Variants in MACROD2 observed in about 807,000 individuals in gnomAD.
MACROD2 encodes ADP-ribose glycohydrolase MACROD2.
A neutral mutation model predicts 70.4 loss-of-function variants in MACROD2; 36 were observed. The ratio of observed to expected loss-of-function variants is 0.51; its 90% CI spans 0.39 to 0.68. MACROD2 has a LOEUF of 0.68. Ranked by LOEUF, MACROD2 falls within the 30% of genes least tolerant of loss-of-function variation. MACROD2 has a pLI of 0.00. For missense variants in MACROD2, 496 were observed against 538.4 expected (o/e 0.92, Z 0.78); for synonymous variants, 172 against 178.8 (o/e 0.96, Z 0.30).
At chr20:14,936,361 TTGATTGTG>T (rs2074340448) in intron 5 of MACROD2, among the ~76,000 whole-genome samples, 1 of 152,190 alleles carries the variant, frequency 6.6e-6, no homozygotes, top group Admixed American at 6.5e-5. Flanking sequence ...CTTGTCCTTA[TTGATTGTG>T]TGCTGACCAG....
intron 7 of MACROD2, among the ~76,000 whole-genome samples, chr20:15,448,739 A>G (rs1405755335): frequency 3.9e-5 from 6 of 152,160 alleles, no homozygotes; most frequent in African/African-American, 1.4e-4. Flanking sequence ...AGTGGGAACA[A>G]ACAGTTTTGA....
At chr20:15,041,261 A>G (rs1053589470) in intron 5 of MACROD2, among the ~76,000 whole-genome samples, 2 of 152,180 alleles carry the variant, frequency 1.3e-5, no homozygotes, top group Admixed American at 6.5e-5. Context: ...GTTCCCAGTC[A>G]TTGGAAGGGG....
intron 5 of MACROD2, among the ~76,000 whole-genome samples, chr20:15,153,713 A>G (rs1227833859): frequency 6.6e-6 from 1 of 152,140 alleles, no homozygotes; most frequent in Non-Finnish European, 1.5e-5. Context: ...AAAATAATCT[A>G]TGTAGTCAGA....
intron 9 of MACROD2, among the ~76,000 whole-genome samples, chr20:15,863,058 G>A (rs889189975): frequency 4.6e-5 from 7 of 151,808 alleles, no homozygotes; most frequent in Admixed American, 2.6e-4. Context: ...TTGGTTCTCG[G>A]TGCCTCACAT....
At position 15,222,622 on chromosome 20, in the gene MACROD2, A is replaced by T. The variant is rs1186184413; in HGVS notation, c.419-7318A>T. 2.6e-5 allele frequency among the ~76,000 whole-genome samples: 4 copies of T among 152,346 alleles called. No homozygotes were observed. In the East Asian group the frequency reaches 5.8e-4, roughly 22 times the overall value. On this transcript the variant is annotated intron_variant, in intron 5 of 17. Coordinates refer to ENST00000684519, the MANE Select transcript of MACROD2 (RefSeq NM_001351661.2). Reference sequence around the variant, plus strand: ...ATGATTGACAAGGCACAGCATTATTATGCAGTCTGTTAGAAGGACCGATTA... The same window carrying T: ...ATGATTGACAAGGCACAGCATTATTTTGCAGTCTGTTAGAAGGACCGATTA...
chr20:14,140,127 G>A (rs2054850507), intron 3 of MACROD2, among the ~76,000 whole-genome samples: 1 of 152,266 alleles, frequency 6.6e-6, no homozygotes, highest in African/African-American at 2.4e-5. Context: ...GAAGATGCCT[G>A]TAGTTGATAA....
intron 5 of MACROD2, among the ~76,000 whole-genome samples, chr20:14,722,889 A>G (rs528014523): frequency 6.6e-5 from 10 of 152,332 alleles, no homozygotes; most frequent in Middle Eastern, 3.4e-3. Context: ...TTTATATCAG[A>G]CAAAAAAATA....
chr20:14,065,719 A>G (rs964818217), intron 2 of MACROD2, among the ~76,000 whole-genome samples: 1 of 152,234 alleles, frequency 6.6e-6, no homozygotes, highest in African/African-American at 2.4e-5. Context: ...ATATTTGACC[A>G]GTACCACAGA....
chr20:14,017,262 T>C lies in MACROD2; in HGVS notation c.163+14858T>C, dbSNP rs182537579. 4.6e-5 allele frequency among the ~76,000 whole-genome samples: 7 copies of C among 152,312 alleles called. No individual in the cohort carries two copies. In the East Asian group the frequency reaches 9.6e-4, roughly 21 times the overall value. The stretch of plus-strand genomic sequence containing the variant: ...TTTCTGCATTTACGATCATGTCATC[T>C]GTGAACAGAGATAGTTTTACATCTT... On this transcript the variant is annotated intron_variant, in intron 2 of 17. Coordinates refer to ENST00000684519, the MANE Select transcript of MACROD2 (RefSeq NM_001351661.2).
chr20:14,862,049 A>ATATT (rs2073331389), intron 5 of MACROD2, among the ~76,000 whole-genome samples: 1 of 10,980 alleles, frequency 9.1e-5, no homozygotes, highest in African/African-American at 2.6e-4. Flanking sequence ...TTATATATAT[A>ATATT]TTTATATATA....
chr20:15,997,233 T>A lies in MACROD2; in HGVS notation c.1153+10075T>A, dbSNP rs141515646. On this transcript the variant is annotated intron_variant, in intron 15 of 17. Coordinates refer to ENST00000684519, the MANE Select transcript of MACROD2 (RefSeq NM_001351661.2). ...GTGTTAGGATTGTTTTCTTTTTTTA[T>A]GTGAAAAATGCCCTTGAAATTGTGA... Among the ~76,000 whole-genome samples the A allele has an allele frequency of 3.9e-5, 6 of 152,324 alleles. No homozygotes were observed. In the East Asian group the frequency reaches 1.2e-3, roughly 29 times the overall value.
chr20:14,416,857 C>T lies in MACROD2; in HGVS notation c.272-76622C>T, dbSNP rs138401356. On this transcript the variant is annotated intron_variant, in intron 3 of 17. Transcript: ENST00000684519. Reference sequence around the variant, plus strand: ...CAGTTGGGCATGGGAAAGATGAGGCCCATTTCCCTGGATTTGGAATCTGGT... The same window carrying T: ...CAGTTGGGCATGGGAAAGATGAGGCTCATTTCCCTGGATTTGGAATCTGGT... Among the ~76,000 whole-genome samples, 345 of 152,236 alleles carry T rather than the reference C, an allele frequency of 2.3e-3. 3 individuals are homozygous for T. Among genetic ancestry groups the T allele is most frequent in the Non-Finnish European group, 4.0e-3 (272 of 68,018 alleles).
intron 15 of MACROD2, among the ~76,000 whole-genome samples, chr20:15,990,133 T>TA (rs2066538377): frequency 6.6e-6 from 1 of 152,158 alleles, no homozygotes; most frequent in Non-Finnish European, 1.5e-5. Flanking sequence ...AGGTTTCACA[T>TA]ATGGCAGCTT....
chr20:14,132,128 C>CT (rs1215275006), intron 3 of MACROD2, among the ~76,000 whole-genome samples: 1 of 70,412 alleles, frequency 1.4e-5, no homozygotes, highest in African/African-American at 4.0e-5. Context: ...GAGACTCTAT[C>CT]CAAAAAAAAA....
intron 8 of MACROD2, among the ~76,000 whole-genome samples, chr20:15,792,014 T>C (rs1315410950): frequency 2.6e-5 from 4 of 152,036 alleles, no homozygotes; most frequent in East Asian, 1.9e-4. Context: ...ATTATCTATA[T>C]AAAAATAGCC....
At chr20:14,143,143 T>C (rs1034958086) in intron 3 of MACROD2, among the ~76,000 whole-genome samples, 1 of 152,172 alleles carries the variant, frequency 6.6e-6, no homozygotes, top group Admixed American at 6.5e-5. Flanking sequence ...CCAAAATGAA[T>C]TTATTAGCAT....
intron 8 of MACROD2, among the ~76,000 whole-genome samples, chr20:15,545,419 A>G (rs1484776608): frequency 6.6e-6 from 1 of 152,176 alleles, no homozygotes; most frequent in African/African-American, 2.4e-5. Context: ...TTCCGTAATG[A>G]TATTTCTGTC....
At chr20:14,006,408 T>G (rs1223085356) in intron 2 of MACROD2, among the ~76,000 whole-genome samples, 1 of 152,212 alleles carries the variant, frequency 6.6e-6, no homozygotes, top group Non-Finnish European at 1.5e-5. Flanking sequence ...TGAAATCACA[T>G]ATGTCATATA....
intron 5 of MACROD2, among the ~76,000 whole-genome samples, chr20:15,046,099 T>C (rs13045127): frequency 0.048 from 7,342 of 152,190 alleles, 286 homozygotes; most frequent in African/African-American, 0.11. Context: ...AGCATCTTCT[T>C]CGCCTTTTTC....
Sources: gnomAD v4.1 joint callset for allele counts (sites outside exome capture counted in the v4.1 genomes callset) on GRCh38, gnomAD v4.1.1 for gene constraint, MANE v1.5 for transcripts, NCBI Gene and HGNC (gene_info 2026-07-23, HGNC 2026-07-21) for gene names.